The following DPP10 variants were observed in gnomAD, a reference collection of about 807,000 sequenced individuals.
DPP10 encodes the protein dipeptidyl peptidase like 10, also known as inactive dipeptidyl peptidase 10.
Under a neutral mutation model 120.9 loss-of-function variants are expected in DPP10, and 33 were observed. The observed-to-expected ratio is 0.27, with a 90% CI of 0.21 to 0.37. DPP10 has a LOEUF of 0.37. Among genes scored for constraint, DPP10 ranks in the 10% least tolerant of loss-of-function variants. The pLI is 1.00. For synonymous variants in DPP10, 337 were observed against 326.1 expected (o/e 1.03, Z -0.36); for missense variants, 816 against 942.8 (o/e 0.87, Z 1.76).
intron 1 of DPP10, among the ~76,000 whole-genome samples, chr2:114,976,826 T>C (rs1699784589): frequency 6.6e-6 from 1 of 152,178 alleles, no homozygotes; most frequent in South Asian, 2.1e-4. Context: ...CAGGAGTTTT[T>C]TCCTATGTTA....
intron 5 of DPP10, among the ~76,000 whole-genome samples, chr2:115,684,841 G>T (rs1010619341): frequency 6.6e-6 from 1 of 151,914 alleles, no homozygotes; most frequent in African/African-American, 2.4e-5. Flanking sequence ...GATAGATCAT[G>T]TTTCCAAAAT....
intron 3 of DPP10, among the ~76,000 whole-genome samples, chr2:115,384,468 GGAA>G (rs35194068): frequency 0.71 from 103,339 of 146,556 alleles, 36,660 homozygotes; most frequent in Admixed American, 0.76. Flanking sequence ...GGAAGAAGAA[GGAA>G]GAAGAAGGAA....
At chr2:114,857,661 C>T (rs1170853443) in intron 1 of DPP10, among the ~76,000 whole-genome samples, 1 of 152,196 alleles carries the variant, frequency 6.6e-6, no homozygotes, top group Non-Finnish European at 1.5e-5. Flanking sequence ...TATGCTACTA[C>T]TAGTATTTGT....
intron 2 of DPP10, among the ~76,000 whole-genome samples, chr2:115,339,656 A>G (rs1363959218): frequency 6.6e-6 from 1 of 152,214 alleles, no homozygotes; most frequent in Non-Finnish European, 1.5e-5. Context: ...TATACATTCA[A>G]CAACTTGAAT....
intron 3 of DPP10, among the ~76,000 whole-genome samples, chr2:115,442,383 G>C (rs879366623): frequency 3.5e-5 from 5 of 143,954 alleles, no homozygotes; most frequent in Admixed American, 2.0e-4. Context: ...GTGTGTGTGT[G>C]TGTGCGTGTG....
At chr2:115,066,973 A>G (rs1440834792) in intron 1 of DPP10, among the ~76,000 whole-genome samples, 1 of 152,214 alleles carries the variant, frequency 6.6e-6, no homozygotes, top group Non-Finnish European at 1.5e-5. Context: ...GTACAGTATA[A>G]TTAATGATAG....
At chr2:114,924,454 G>A (rs1299009728) in intron 1 of DPP10, among the ~76,000 whole-genome samples, 2 of 151,872 alleles carry the variant, frequency 1.3e-5, no homozygotes, top group Admixed American at 6.6e-5. Context: ...TTGAACCTGG[G>A]AGGCAGAGTT....
chr2:114,650,137 G>C (rs1044908215), intron 1 of DPP10, among the ~76,000 whole-genome samples: 2 of 152,160 alleles, frequency 1.3e-5, no homozygotes, highest in African/African-American at 4.8e-5. Flanking sequence ...ATTCCAGTTT[G>C]TGAAGTACGG....
chr2:115,228,297 G>C (rs1290461862), intron 1 of DPP10, among the ~76,000 whole-genome samples: 1 of 151,996 alleles, frequency 6.6e-6, no homozygotes, highest in African/African-American at 2.4e-5. Context: ...ATGCATACCA[G>C]TCATATCAGG....
At chr2:115,664,158 T>A (rs2089251012) in intron 5 of DPP10, among the ~76,000 whole-genome samples, 1 of 152,022 alleles carries the variant, frequency 6.6e-6, no homozygotes, top group Admixed American at 6.6e-5. Context: ...AATTTAAATA[T>A]GTTAAGAGAC....
chr2:115,580,137 T>A (rs1487174068), intron 5 of DPP10: 3 of 152,198 alleles, frequency 2.0e-5, no homozygotes, highest in Non-Finnish European at 4.4e-5. Flanking sequence ...GATATGGTCT[T>A]GTTCCTTTTT....
intron 4 of DPP10, 115 bp from the exon 5 acceptor site, chr2:115,525,783 A>G: frequency 1.4e-6 from 1 of 701,028 alleles, no homozygotes; most frequent in Non-Finnish European, 2.3e-6. Context: ...ACAATATAAA[A>G]GAAATGAGAA....
intron 5 of DPP10, among the ~76,000 whole-genome samples, chr2:115,555,062 T>A (rs2080122343): frequency 6.6e-6 from 1 of 152,158 alleles, no homozygotes; most frequent in South Asian, 2.1e-4. Flanking sequence ...AGAAAGGACA[T>A]GACTATAGCC....
intron 1 of DPP10, among the ~76,000 whole-genome samples, chr2:115,257,590 AG>A (rs2059059365): frequency 1.3e-5 from 2 of 152,156 alleles, no homozygotes; most frequent in Admixed American, 1.3e-4. Context: ...ACCACCCACC[AG>A]GCCCCATCTT....
At chr2:115,772,315 G>C (rs1388941653) in intron 13 of DPP10, among the ~76,000 whole-genome samples, 3 of 152,092 alleles carry the variant, frequency 2.0e-5, no homozygotes, top group Non-Finnish European at 4.4e-5. Flanking sequence ...AGATGTCACT[G>C]TATATAAAGC....
chr2:115,201,268 G>C (rs1246229100), intron 1 of DPP10, among the ~76,000 whole-genome samples: 1 of 152,030 alleles, frequency 6.6e-6, no homozygotes, highest in Non-Finnish European at 1.5e-5. Flanking sequence ...TTCGAGACCA[G>C]CCTGGACAAC....
At chr2:115,463,380 T>C (rs2074110043) in intron 3 of DPP10, among the ~76,000 whole-genome samples, 1 of 152,208 alleles carries the variant, frequency 6.6e-6, no homozygotes, top group Admixed American at 6.5e-5. Flanking sequence ...GCTTTCAAAA[T>C]TTAAATGTGT....
chr2:115,635,123 G>C (rs950294239), intron 5 of DPP10, among the ~76,000 whole-genome samples: 7 of 151,732 alleles, frequency 4.6e-5, no homozygotes, highest in Admixed American at 2.6e-4. Context: ...CCTCCTCCCG[G>C]AACTCAGTCA....
chr2:114,899,630 T>C (rs1456268473), intron 1 of DPP10, among the ~76,000 whole-genome samples: 1 of 149,190 alleles, frequency 6.7e-6, no homozygotes, highest in Non-Finnish European at 1.5e-5. Context: ...TCTTTTCTAA[T>C]TTTTTCTTTA....
Sources: gnomAD v4.1 joint callset for allele counts (sites outside exome capture counted in the v4.1 genomes callset) on GRCh38, gnomAD v4.1.1 for gene constraint, MANE v1.5 for transcripts, NCBI Gene and HGNC (gene_info 2026-07-23, HGNC 2026-07-21) for gene names.